TULP4: variants seen among roughly 807,000 people sequenced by gnomAD.
TULP4 encodes the protein TUB like protein 4.
Under a neutral mutation model 129.0 loss-of-function variants are expected in TULP4, and 16 were observed. The observed-to-expected ratio is 0.12, with a 90% CI of 0.08 to 0.19. TULP4 has a LOEUF of 0.19. Ranked by LOEUF, TULP4 falls within the 10% of genes least tolerant of loss-of-function variation. The pLI, the probability that TULP4 is intolerant of heterozygous loss-of-function variation, is 1.00. For missense variants in TULP4, 1,842 were observed against 2,059.1 expected, an observed-to-expected ratio of 0.89 and a Z score of 2.04; for synonymous variants, 998 against 854.0, an observed-to-expected ratio of 1.17 and a Z score of -2.94.
chr6:158,315,899 A>G (rs1475715289), intron 1 of TULP4, among the ~76,000 whole-genome samples: 1 of 152,168 alleles, frequency 6.6e-6, no homozygotes, highest in African/African-American at 2.4e-5. Flanking sequence ...TCACCTCCCA[A>G]AGGTCCCACC....
chr6:158,314,368 T>C, intron 1 of TULP4, 100 bp downstream of exon 1: 3 of 1,418,330 alleles, frequency 2.1e-6, no homozygotes, highest in Non-Finnish European at 2.9e-6. Flanking sequence ...ATAGACTTGC[T>C]GCCTAGTGAG....
rs920350771 is a variant in TULP4 at position 158,413,334 on chromosome 6, C to A, written c.381+141C>A. On this transcript the variant is annotated intron_variant, in intron 2 of 13. Transcript: ENST00000367097. This position sits in a 1 kb window ranked among gnomAD's most constrained non-coding sequence, Gnocchi z 4.9. ...GAAGAGAAATCAATCAAATTAGAAT[C>A]CTACTTTTCATTTCTCTCACATATG... is the stretch of plus-strand genomic sequence containing the variant. 1 of 1,034,332 alleles carries A rather than the reference C, an allele frequency of 9.7e-7. No individual in the cohort carries two copies. Among genetic ancestry groups the A allele is most frequent in the Non-Finnish European group, 1.3e-6 (1 of 749,238 alleles). 64.1% of individuals were successfully genotyped at this position (1,034,332 alleles called of 1,614,324 possible).
At chr6:158,404,149 T>C (rs1183853018) in intron 1 of TULP4, among the ~76,000 whole-genome samples, 2 of 152,202 alleles carry the variant, frequency 1.3e-5, no homozygotes, top group Non-Finnish European at 2.9e-5. Flanking sequence ...CATTGTACTT[T>C]TAGGATATTG....
chr6:158,419,278 G>A (rs931791756), intron 2 of TULP4, among the ~76,000 whole-genome samples: 2 of 151,998 alleles, frequency 1.3e-5, no homozygotes, highest in Non-Finnish European at 2.9e-5. Context: ...ATGTTCTTTT[G>A]GTGTTTGTTC....
At position 158,502,227 on chromosome 6, in the gene TULP4, CG is replaced by C; in HGVS notation, c.2565del (p.Pro857HisfsTer9). 6.4e-7 allele frequency: 1 copy of C among 1,554,304 alleles called. No homozygotes were observed. On this transcript the variant is annotated frameshift_variant, in exon 13 of 14. Transcript: ENST00000367097. LOFTEE classifies it high-confidence loss of function. ...PTTAAPPPPL[P>X]PPQPPVDVCL... ...ACAGCAGCACCCCCGCCCCCTCTGC[CG>C]CCCCCACAGCCCCCAGTGGATGTGT...
rs1780453782 is a variant in TULP4, at chr6:158,501,907, C to G, written c.2244C>G (p.Asn748Lys). ...GDSATQYPVSNRYSNPGQVIF... is the reference protein window; with the variant it reads ...GDSATQYPVSKRYSNPGQVIF... The stretch of plus-strand genomic sequence containing the variant: ...GTGCCACCCAGTACCCAGTCTCCAA[C>G]CGGTACTCCAATCCTGGACAGGTGA... Residue 748 changes from asparagine to lysine, a missense_variant, in exon 13 of 14, where the codon AAC becomes AAG. By Grantham distance (94) the Asn-to-Lys change is moderately conservative (BLOSUM62 0). Transcript: ENST00000367097. 6 of 1,614,146 alleles carry G rather than the reference C, an allele frequency of 3.7e-6. No homozygotes were observed. The Middle Eastern group carries it at 4.9e-4, about 133-fold the overall frequency.
intron 2 of TULP4, chr6:158,428,200 A>G (rs1778546021): frequency 6.6e-6 from 1 of 152,228 alleles, no homozygotes; most frequent in South Asian, 2.1e-4. Context: ...ACAAAAATAC[A>G]TAGTCAGATG....
chr6:158,401,808 C>T (rs1562551378), intron 1 of TULP4, among the ~76,000 whole-genome samples: 3 of 147,146 alleles, frequency 2.0e-5, no homozygotes, highest in Non-Finnish European at 1.5e-5. Flanking sequence ...CACCTCCTCA[C>T]TTTTTTTTTT....
chr6:158,464,742 T>C (rs1417319748), intron 6 of TULP4, among the ~76,000 whole-genome samples: 1 of 152,202 alleles, frequency 6.6e-6, no homozygotes, highest in Admixed American at 6.5e-5. Flanking sequence ...AGTAGCAGGC[T>C]TCAGGGTGAA....
At chr6:158,482,919 G>A (rs569875987) in intron 8 of TULP4, among the ~76,000 whole-genome samples, 180 of 152,206 alleles carry the variant, frequency 1.2e-3, no homozygotes, top group African/African-American at 4.0e-3. Flanking sequence ...TCTTCCTTCC[G>A]GTTCATGTTT....
intron 1 of TULP4, among the ~76,000 whole-genome samples, chr6:158,331,795 A>G (rs1211820995): frequency 1.5e-5 from 2 of 131,202 alleles, no homozygotes; most frequent in African/African-American, 2.8e-5. Context: ...ACACATACCT[A>G]CATACACACA....
rs1779899660 is a variant in TULP4 at position 158,479,852 on chromosome 6, C to T, written c.1128C>T (p.Ser376=). The change falls in exon 7 of 14, where the codon AGC becomes AGT. Residue 376 remains serine (S), a synonymous_variant. Coordinates refer to ENST00000367097, the MANE Select transcript of TULP4 (RefSeq NM_020245.5). ...TGCGTGTGGAGCACCGGGTGTCCAG[C>T]CTGCAGCTGCTGTGCCAGCAGGCCA... ...YVVRVEHRVS[S]LQLLCQQAIA... 2 of 1,613,958 alleles carry T rather than the reference C, an allele frequency of 1.2e-6. No homozygotes were observed. Among genetic ancestry groups the T allele is most frequent in the Non-Finnish European group, 1.7e-6 (2 of 1,180,032 alleles).
At chr6:158,425,254 A>G (rs1008645688) in intron 2 of TULP4, among the ~76,000 whole-genome samples, 2 of 149,168 alleles carry the variant, frequency 1.3e-5, no homozygotes, top group African/African-American at 2.5e-5. Context: ...TGGCTCACAC[A>G]TGTAATCCCA....
chr6:158,308,312 T>A (rs1779253554), upstream of TULP4, among the ~76,000 whole-genome samples: 1 of 151,430 alleles, frequency 6.6e-6, no homozygotes, highest in South Asian at 2.1e-4. Flanking sequence ...GAGCACAGGG[T>A]TGGGGGTAAG....
upstream of TULP4, among the ~76,000 whole-genome samples, chr6:158,309,817 G>A (rs1450854489): frequency 4.0e-5 from 6 of 151,116 alleles, no homozygotes; most frequent in African/African-American, 1.5e-4. Context: ...CAGGGAGGTT[G>A]CAGTGAGCCG....
rs781601716 is a variant in TULP4 at position 158,503,409 on chromosome 6, C to T, written c.3746C>T (p.Thr1249Met). ...TLPPMYPGSS[T>M]CSSLQLPPVA... Reference sequence around the variant, plus strand: ...CCCCCCATGTACCCAGGAAGCAGCACGTGCTCTAGTTTACAGCTGCCACCT... The same window carrying T: ...CCCCCCATGTACCCAGGAAGCAGCATGTGCTCTAGTTTACAGCTGCCACCT... The change falls in exon 13 of 14, where the codon ACG (threonine) becomes ATG (methionine). Residue 1249 changes from threonine (T) to methionine (M), a missense_variant. This residue lies in a region of TULP4 where 1,089 missense variants were observed against 987.1 expected (regional missense o/e 1.10). Transcript: ENST00000367097. The surrounding 1 kb of genome is among the most constrained non-coding windows in gnomAD (Gnocchi z 4.3). The T allele has an allele frequency of 1.2e-5, 19 of 1,613,876 alleles. No homozygotes were observed. Among genetic ancestry groups the T allele is most frequent in the African/African-American group, 4.0e-5 (3 of 74,914 alleles).
Position 158,498,742 on chromosome 6 carries a change from T to A in TULP4, c.1944T>A (p.Ile648=). The A allele has an allele frequency of 1.2e-6, 2 of 1,614,188 alleles. No homozygotes were observed. Among genetic ancestry groups the A allele is most frequent in the Non-Finnish European group, 1.7e-6 (2 of 1,180,022 alleles). The part of the protein sequence containing the change: ...MTIYLPEVRK[I]SMDYINLPVF... ...TTTATCTCCCAGAAGTTCGGAAAAT[T>A]TCCATGGACTATATTAATTTACCTG... The change falls in exon 12 of 14, where the codon ATT becomes ATA. Residue 648 remains isoleucine, a synonymous_variant. Coordinates refer to ENST00000367097, the MANE Select transcript of TULP4 (RefSeq NM_020245.5).
chr6:158,483,324 CT>C (rs894344371), intron 8 of TULP4, among the ~76,000 whole-genome samples: 2 of 152,070 alleles, frequency 1.3e-5, no homozygotes, highest in Admixed American at 1.3e-4. Flanking sequence ...ACAGGAATTT[CT>C]TTTTTCTTTT....
chr6:158,389,486 C>A (rs1404242386), intron 1 of TULP4, among the ~76,000 whole-genome samples: 2 of 152,050 alleles, frequency 1.3e-5, no homozygotes, highest in African/African-American at 4.8e-5. Context: ...AACAAGAATT[C>A]ATAAAAGGCA....
Sources: allele counts gnomAD v4.1 joint callset (sites outside exome capture counted in the v4.1 genomes callset), GRCh38; gene constraint gnomAD v4.1.1; regional missense constraint gnomAD v4.1.1; non-coding constraint Gnocchi (gnomAD v3.1); transcripts MANE v1.5; gene names NCBI Gene and HGNC (gene_info 2026-07-23, HGNC 2026-07-21).